EEIG2: variants seen among roughly 807,000 people sequenced by gnomAD.
EEIG2 encodes family with sequence similarity 102 member B.
chr1:108,596,176 GTT>G, the EEIG2 span, among the ~76,000 whole-genome samples: 1 of 138,938 alleles, frequency 7.2e-6, no homozygotes. Flanking sequence ...TTCTTAGTGG[GTT>G]TTTTTTTTTT....
the EEIG2 span, among the ~76,000 whole-genome samples, chr1:108,578,079 C>G: frequency 5.5e-5 from 8 of 144,244 alleles, no homozygotes; most frequent in South Asian, 7.0e-4. Context: ...TGGGAGTTCA[C>G]TCATGATTTG....
the EEIG2 span, among the ~76,000 whole-genome samples, chr1:108,594,066 C>G: frequency 6.6e-6 from 1 of 151,964 alleles, no homozygotes; most frequent in Non-Finnish European, 1.5e-5. Flanking sequence ...CCTTGGTCTC[C>G]GAAAGTGCTG....
the EEIG2 span, among the ~76,000 whole-genome samples, chr1:108,574,672 C>CCG: frequency 6.6e-6 from 1 of 152,194 alleles, no homozygotes; most frequent in African/African-American, 2.4e-5. Flanking sequence ...ATCACTTGAA[C>CCG]CCAGGAGGCG....
the EEIG2 span, chr1:108,625,065 C>T: frequency 9.1e-6 from 2 of 220,580 alleles, no homozygotes; most frequent in East Asian, 2.0e-4. Flanking sequence ...GCTTCTGCCT[C>T]TCGGGTGTCG....
chr1:108,596,196 A>G, the EEIG2 span, among the ~76,000 whole-genome samples: 1 of 151,694 alleles, frequency 6.6e-6, no homozygotes, highest in African/African-American at 2.4e-5. Flanking sequence ...TTTAGCAATT[A>G]GGAAAAAAAG....
At chr1:108,593,893 C>A in the EEIG2 span, among the ~76,000 whole-genome samples, 1 of 152,110 alleles carries the variant, frequency 6.6e-6, no homozygotes, top group Admixed American at 6.5e-5. Flanking sequence ...ACAGCCTCAA[C>A]CTCCTGGGCT....
the EEIG2 span, among the ~76,000 whole-genome samples, chr1:108,580,808 C>T: frequency 6.6e-6 from 1 of 152,198 alleles, no homozygotes; most frequent in East Asian, 1.9e-4. Context: ...AAGCCATTTC[C>T]ATAACATAAA....
chr1:108,619,892 A>T, the EEIG2 span, among the ~76,000 whole-genome samples: 1 of 152,222 alleles, frequency 6.6e-6, no homozygotes, highest in Non-Finnish European at 1.5e-5. Context: ...CTGTTTCAAA[A>T]ATAAAGCAAA....
the EEIG2 span, among the ~76,000 whole-genome samples, chr1:108,632,973 C>CA: frequency 8.0e-6 from 1 of 125,652 alleles, no homozygotes; most frequent in Non-Finnish European, 1.6e-5. Flanking sequence ...TTTATAGAGA[C>CA]AGAGTCTCAC....
At chr1:108,582,003 A>G in the EEIG2 span, among the ~76,000 whole-genome samples, 18 of 152,264 alleles carry the variant, frequency 1.2e-4, no homozygotes, top group Admixed American at 6.5e-4. Flanking sequence ...TGCCACAGCC[A>G]CCCCAACCCT....
the EEIG2 span, chr1:108,638,826 T>C: frequency 6.6e-6 from 1 of 152,226 alleles, no homozygotes; most frequent in African/African-American, 2.4e-5. Context: ...CCCTTACACA[T>C]GCGATTTTTG....
At chr1:108,616,063 G>A in the EEIG2 span, among the ~76,000 whole-genome samples, 6 of 147,012 alleles carry the variant, frequency 4.1e-5, no homozygotes, top group Non-Finnish European at 7.5e-5. Flanking sequence ...GGTTTTGAAT[G>A]TTAAAAATGA....
At chr1:108,599,606 C>A in the EEIG2 span, among the ~76,000 whole-genome samples, 1 of 152,322 alleles carries the variant, frequency 6.6e-6, no homozygotes, top group Non-Finnish European at 1.5e-5. Flanking sequence ...GACAAGTGGG[C>A]TTTAGATTTA....
At chr1:108,580,901 G>GCTA in the EEIG2 span, among the ~76,000 whole-genome samples, 1 of 152,184 alleles carries the variant, frequency 6.6e-6, no homozygotes, top group Non-Finnish European at 1.5e-5. Flanking sequence ...GATGAAGGGG[G>GCTA]CTATGCTAAA....
the EEIG2 span, among the ~76,000 whole-genome samples, chr1:108,566,708 A>G: frequency 6.6e-6 from 1 of 152,232 alleles, no homozygotes; most frequent in South Asian, 2.1e-4. Flanking sequence ...AAAAAAAAAA[A>G]GGAAATCCTG....
the EEIG2 span, chr1:108,560,464 C>T: frequency 1.9e-6 from 3 of 1,613,040 alleles, no homozygotes; most frequent in African/African-American, 2.7e-5. Flanking sequence ...TTAAGGTGGA[C>T]TTCGAGCTCG....
At chr1:108,584,593 T>G in the EEIG2 span, among the ~76,000 whole-genome samples, 10 of 152,210 alleles carry the variant, frequency 6.6e-5, no homozygotes, top group Admixed American at 4.6e-4. Context: ...TAACATTTTC[T>G]GTATTTCCTT....
the EEIG2 span, among the ~76,000 whole-genome samples, chr1:108,576,543 G>A: frequency 8.4e-4 from 113 of 135,148 alleles, no homozygotes; most frequent in Middle Eastern, 3.6e-3. Context: ...GAGAATATGC[G>A]GTGTTTGGTT....
At chr1:108,564,261 G>A in the EEIG2 span, among the ~76,000 whole-genome samples, 2 of 151,918 alleles carry the variant, frequency 1.3e-5, no homozygotes, top group African/African-American at 2.4e-5. Flanking sequence ...AGGTTGGGTG[G>A]GGGGGAAATT....
Sources: allele counts gnomAD v4.1 joint callset (sites outside exome capture counted in the v4.1 genomes callset), GRCh38; gene constraint gnomAD v4.1.1; transcripts MANE v1.5; gene names NCBI Gene and HGNC (gene_info 2026-07-23, HGNC 2026-07-21).